The following TM7SF3 variants were observed in gnomAD, a reference collection of about 807,000 sequenced individuals.
TM7SF3 encodes seven span transmembrane protein.
In TM7SF3, 60 loss-of-function variants were observed where a neutral mutation model predicts 65.5. That is an observed-to-expected ratio of 0.92 (90% CI 0.74 to 1.14). TM7SF3 has a LOEUF of 1.14. Among genes scored for constraint, TM7SF3 ranks in the 50% most tolerant of loss-of-function variants. TM7SF3 has a pLI of 0.00. For missense variants in TM7SF3, 623 were observed against 684.8 expected (o/e 0.91, Z 1.01); for synonymous variants, 264 against 259.6 (o/e 1.02, Z -0.16).
intron 10 of TM7SF3, chr12:26,975,917 T>C: frequency 1.9e-6 from 1 of 533,960 alleles, no homozygotes; most frequent in East Asian, 3.1e-5. Flanking sequence ...ACTTCAACAA[T>C]AAAATCTAAT....
chr12:26,995,368 C>A lies in TM7SF3; in HGVS notation c.559G>T (p.Asp187Tyr). The change falls in exon 5 of 12, where the codon GAC becomes TAC. Residue 187 changes from aspartate to tyrosine, a missense_variant. Asp to Tyr is a radical substitution (Grantham distance 160). Transcript: ENST00000343028. ...TCATACTGCAACCTCCACCTGGAGT[C>A]CTGGTCTGTCCCAGCGTCACATGGT... ...PPPCDAGTDQ[D>Y]SRWRLQYDVY... is the part of the protein sequence containing the mutation. 1 of 1,614,210 alleles carries A rather than the reference C, an allele frequency of 6.2e-7. No homozygotes were observed.
intron 1 of TM7SF3, among the ~76,000 whole-genome samples, chr12:27,006,541 A>C (rs537524350): frequency 6.6e-6 from 1 of 152,350 alleles, no homozygotes; most frequent in Admixed American, 6.5e-5. Flanking sequence ...GCTTTCCCTT[A>C]AAATGGTAAT....
intron 1 of TM7SF3, 32 bp downstream of exon 1, chr12:27,014,046 T>G (rs1167756417): frequency 1.3e-6 from 2 of 1,532,064 alleles, no homozygotes; most frequent in Admixed American, 2.0e-5. Flanking sequence ...AAAGCAACTT[T>G]GGGTTGCAGA....
At chr12:27,003,177 A>G in intron 2 of TM7SF3, 59 bp downstream of exon 2, 1 of 1,267,704 alleles carries the variant, frequency 7.9e-7, no homozygotes. Flanking sequence ...TGCTCATACT[A>G]AATACCAGAC....
At chr12:26,982,943 A>C in intron 6 of TM7SF3, 84 bp from the exon 7 acceptor site, 1 of 956,646 alleles carries the variant, frequency 1.0e-6, no homozygotes. Flanking sequence ...TTCATCAAAA[A>C]AGCTAAGTGA....
At chr12:26,976,424 C>T (rs1939568718) in intron 9 of TM7SF3, 67 bp from the exon 10 acceptor site, 4 of 1,003,500 alleles carry the variant, frequency 4.0e-6, no homozygotes, top group Non-Finnish European at 6.3e-6. Flanking sequence ...TTTCTTGGAA[C>T]ATCTGAACAC....
intron 9 of TM7SF3, among the ~76,000 whole-genome samples, chr12:26,976,976 C>T (rs1452031242): frequency 6.6e-6 from 1 of 152,206 alleles, no homozygotes; most frequent in Admixed American, 6.5e-5. Flanking sequence ...TGCTGCACAA[C>T]TTAGGCCGAC....
chr12:27,010,270 T>G (rs1941195410), intron 1 of TM7SF3, among the ~76,000 whole-genome samples: 1 of 152,212 alleles, frequency 6.6e-6, no homozygotes, highest in Non-Finnish European at 1.5e-5. Context: ...GCTTCACACA[T>G]TCATCTCCTT....
chr12:26,997,546 G>C (rs11048804), intron 3 of TM7SF3, among the ~76,000 whole-genome samples: 32,916 of 152,042 alleles, frequency 0.22, 3,754 homozygotes, highest in East Asian at 0.47. Flanking sequence ...TTTCTTATCA[G>C]GTAATTAGCC....
intron 6 of TM7SF3, among the ~76,000 whole-genome samples, chr12:26,986,012 T>G (rs1289366081): frequency 6.7e-6 from 1 of 148,164 alleles, no homozygotes; most frequent in African/African-American, 2.5e-5. Flanking sequence ...TTTTTTTTAG[T>G]AGAGACGGGG....
chr12:26,974,144 A>G lies in TM7SF3; in HGVS notation c.1534T>C (p.Phe512Leu), dbSNP rs1565862954. 1 of 1,614,224 alleles carries G rather than the reference A, an allele frequency of 6.2e-7. No individual in the cohort carries two copies. The highest frequency in any genetic ancestry group is 8.5e-7 in the Non-Finnish European group (1 of 1,180,032). Reference sequence around the variant, plus strand: ...CATAACTTGTATGGGTGGGGAGGGAAGAACGGTCGTCCTCTCTCTCTTCGA... The same window carrying G: ...CATAACTTGTATGGGTGGGGAGGGAGGAACGGTCGTCCTCTCTCTCTTCGA... ...QIRRERGRPF[F>L]PPHPYKLWKQ... is the part of the protein sequence containing the mutation. The change falls in exon 12 of 12, where the codon TTC (phenylalanine) becomes CTC (leucine). Residue 512 changes from phenylalanine (F) to leucine (L), a missense_variant. Transcript: ENST00000343028.
chr12:26,998,076 ACC>A (rs1380329735), intron 3 of TM7SF3, among the ~76,000 whole-genome samples: 3 of 151,830 alleles, frequency 2.0e-5, no homozygotes, highest in African/African-American at 7.3e-5. Context: ...TATACCTGCA[ACC>A]TGCTTCGGCC....
At position 26,971,842 on chromosome 12, in the gene TM7SF3, A is replaced by G. The variant is rs1939375651; in HGVS notation, c.*2123T>C. ...TATAGACAGTAAGGATTACAGAATAAGCAGTAAATGGTCACCTGCACTGTA... is the reference window on the plus strand; with the variant it reads ...TATAGACAGTAAGGATTACAGAATAGGCAGTAAATGGTCACCTGCACTGTA... On this transcript the variant is annotated 3_prime_UTR_variant, in exon 12 of 12. Transcript: ENST00000343028. 1 of 152,222 alleles carries G rather than the reference A, an allele frequency of 6.6e-6. No homozygotes were observed. The highest frequency in any genetic ancestry group is 1.5e-5 in the Non-Finnish European group (1 of 68,032). 9.4% of individuals were successfully genotyped at this position (152,222 alleles called of 1,614,324 possible). A position where few individuals can be genotyped will look rare whatever the true frequency, so the allele number is the denominator to read the frequency against.
Position 27,008,171 on chromosome 12 carries a change from T to C in TM7SF3, c.92-4781A>G, listed in dbSNP as rs1235217551. On this transcript the variant is annotated intron_variant, in intron 1 of 11. Transcript: ENST00000343028. ...GCCAATGTATACCGCATCAACTTACTGTAGGAAAGTGTTCCAATTGCCCAG... is the reference window on the plus strand; with the variant it reads ...GCCAATGTATACCGCATCAACTTACCGTAGGAAAGTGTTCCAATTGCCCAG... Among the ~76,000 whole-genome samples, 8 of 151,922 alleles carry C rather than the reference T, an allele frequency of 5.3e-5. 1 individual carries two copies. The highest frequency in any genetic ancestry group is 1.9e-4 in the African/African-American group (8 of 41,376).
intron 1 of TM7SF3, 39 bp from the exon 2 acceptor site, chr12:27,003,429 C>G (rs1940914371): frequency 6.5e-7 from 1 of 1,540,716 alleles, no homozygotes; most frequent in African/African-American, 1.4e-5. Flanking sequence ...CACTTGTACT[C>G]TCATATCAAT....
chr12:27,012,279 G>A (rs1941273278), intron 1 of TM7SF3, among the ~76,000 whole-genome samples: 1 of 152,086 alleles, frequency 6.6e-6, no homozygotes, highest in Non-Finnish European at 1.5e-5. Flanking sequence ...GTAGGGTGGT[G>A]GGGATTAAAT....
Position 26,975,577 on chromosome 12 carries a change from A to G in TM7SF3, c.1369T>C (p.Tyr457His). 1.2e-6 allele frequency: 2 copies of G among 1,614,192 alleles called. No homozygotes were observed. The highest frequency in any genetic ancestry group is 2.7e-5 in the African/African-American group (2 of 75,068). The change falls in exon 11 of 12, where the codon TAC (tyrosine) becomes CAC (histidine). Residue 457 changes from tyrosine to histidine, a missense_variant. By Grantham distance (83) the Tyr-to-His change is moderately conservative (BLOSUM62 2). Coordinates refer to ENST00000343028, the MANE Select transcript of TM7SF3 (RefSeq NM_016551.3). Reference sequence around the variant, plus strand: ...CTCTTGAGTACGTTCAAAGTGATGTAGGAAAGGCTTGTGGACCAGTAACTG... The same window carrying G: ...CTCTTGAGTACGTTCAAAGTGATGTGGGAAAGGCTTGTGGACCAGTAACTG... ...IDSYWSTSLS[Y>H]ITLNVLKRAL...
chr12:26,983,063 A>G (rs192073722), intron 6 of TM7SF3, among the ~76,000 whole-genome samples: 6 of 152,304 alleles, frequency 3.9e-5, no homozygotes, highest in African/African-American at 1.4e-4. Context: ...AACTGCTGCT[A>G]TAACAAAAAG....
At chr12:27,008,037 T>TG (rs890854512) in intron 1 of TM7SF3, among the ~76,000 whole-genome samples, 4 of 152,206 alleles carry the variant, frequency 2.6e-5, no homozygotes, top group Admixed American at 2.0e-4. Flanking sequence ...GCATGTCTTT[T>TG]GGTACACGCA....
Sources: allele counts gnomAD v4.1 joint callset (sites outside exome capture counted in the v4.1 genomes callset), GRCh38; gene constraint gnomAD v4.1.1; transcripts MANE v1.5; gene names NCBI Gene and HGNC (gene_info 2026-07-23, HGNC 2026-07-21).